Variants in ZNF385C observed in about 807,000 individuals in gnomAD.
ZNF385C encodes the protein CTD-2132N18.2.
ZNF385C carries 28 observed loss-of-function variants against 35.4 expected under a neutral mutation model. That is an observed-to-expected ratio of 0.79 (90% confidence interval 0.59 to 1.08). The LOEUF is 1.08. Among genes scored for constraint, ZNF385C ranks in the 50% least tolerant of loss-of-function variants. ZNF385C has a pLI of 0.00. For synonymous variants in ZNF385C, 248 were observed against 248.2 expected (o/e 1.00, Z 0.01); for missense variants, 605 against 595.6 (o/e 1.02, Z -0.16).
chr17:42,043,917 A>G (rs1260594337), intron 2 of ZNF385C, among the ~76,000 whole-genome samples: 3 of 152,026 alleles, frequency 2.0e-5, no homozygotes, highest in Admixed American at 2.0e-4. Context: ...AGTGGTTCTC[A>G]GGGCCCATGA....
In ZNF385C at chr17:42,027,734, G is replaced by T. The variant is rs781784798; in HGVS notation, c.1165-6C>A. 1.2e-6 allele frequency: 2 copies of T among 1,610,110 alleles called. No individual in the cohort carries two copies. Among genetic ancestry groups the T allele is most frequent in the South Asian group, 2.2e-5 (2 of 90,664 alleles). On this transcript the variant is annotated splice_polypyrimidine_tract_variant and splice_region_variant and intron_variant, in intron 7 of 8. Coordinates refer to ENST00000692273, the MANE Select transcript of ZNF385C (RefSeq NM_001392013.1). ...TGCCTCCTGCTGCTCATGTGCTAATGGACAGACAGACAGACTGGGAACAAG... is the reference window on the plus strand; with the variant it reads ...TGCCTCCTGCTGCTCATGTGCTAATTGACAGACAGACAGACTGGGAACAAG...
At chr17:42,087,013 G>A (rs530779792) in intron 1 of ZNF385C, among the ~76,000 whole-genome samples, 120 of 151,728 alleles carry the variant, frequency 7.9e-4, no homozygotes, top group Non-Finnish European at 1.4e-3. Flanking sequence ...GTAGAGACGA[G>A]GATTTCTCCA....
chr17:42,027,846 T>C, intron 7 of ZNF385C, 118 bp from the exon 8 acceptor site: 1 of 1,269,946 alleles, frequency 7.9e-7, no homozygotes, highest in Non-Finnish European at 1.1e-6. Context: ...GCACACAGAC[T>C]GGGTCCTCAC....
chr17:42,028,522 ATGTCTCC>A, intron 6 of ZNF385C: 1 of 587,744 alleles, frequency 1.7e-6, no homozygotes, highest in South Asian at 2.4e-5. Context: ...AGAGAGGCAG[ATGTCTCC>A]TGTCTCCTGT....
chr17:42,042,823 C>T, intron 2 of ZNF385C: 1 of 1,232,222 alleles, frequency 8.1e-7, no homozygotes, highest in East Asian at 3.2e-5. Flanking sequence ...ATACTTCTGG[C>T]TGTCACCCAC....
chr17:42,063,168 C>A, intron 1 of ZNF385C, 110 bp from the exon 2 acceptor site: 1 of 488,190 alleles, frequency 2.0e-6, no homozygotes, highest in South Asian at 3.3e-5. Flanking sequence ...CTCTATATCC[C>A]TCTGAAATGC....
At chr17:42,078,230 C>T (rs1467709193) in intron 1 of ZNF385C, among the ~76,000 whole-genome samples, 2 of 151,996 alleles carry the variant, frequency 1.3e-5, no homozygotes, top group Non-Finnish European at 2.9e-5. Flanking sequence ...GCCAGGGATC[C>T]CTGGCTGGGC....
At chr17:42,066,573 CTG>C (rs1441185827) in intron 1 of ZNF385C, among the ~76,000 whole-genome samples, 1 of 152,168 alleles carries the variant, frequency 6.6e-6, no homozygotes, top group African/African-American at 2.4e-5. Flanking sequence ...TGAAATGAGA[CTG>C]TCACTGAACA....
intron 2 of ZNF385C, among the ~76,000 whole-genome samples, chr17:42,046,827 G>C (rs2053170225): frequency 6.8e-6 from 1 of 147,082 alleles, no homozygotes; most frequent in Non-Finnish European, 1.5e-5. Flanking sequence ...AAGAACTCTT[G>C]TTTCTGAGAC....
chr17:42,077,743 T>C (rs577630001), intron 1 of ZNF385C, among the ~76,000 whole-genome samples: 2 of 152,274 alleles, frequency 1.3e-5, no homozygotes, highest in South Asian at 4.1e-4. Flanking sequence ...TCTGGACTCC[T>C]GGGCTCTAGG....
intron 4 of ZNF385C, 35 bp downstream of exon 4, chr17:42,034,190 C>G (rs1373793661): frequency 4.0e-6 from 6 of 1,517,094 alleles, no homozygotes; most frequent in Non-Finnish European, 5.4e-6. Context: ...CTGCCCAGCC[C>G]CCTCCCCAGA....
chr17:42,041,034 G>C, intron 2 of ZNF385C: 1 of 1,232,372 alleles, frequency 8.1e-7, no homozygotes, highest in Admixed American at 4.2e-5. Context: ...GGAAGGTGGT[G>C]GCGGGCTGGC....
intron 1 of ZNF385C, among the ~76,000 whole-genome samples, chr17:42,064,905 T>C (rs1555658342): frequency 2.0e-5 from 3 of 152,112 alleles, no homozygotes; most frequent in African/African-American, 7.2e-5. Context: ...TGGAGTGCAG[T>C]GGCACAATCT....
At chr17:42,034,393 G>A (rs949296749) in intron 3 of ZNF385C, 58 bp from the exon 4 acceptor site, 23 of 1,299,462 alleles carry the variant, frequency 1.8e-5, no homozygotes, top group Non-Finnish European at 2.2e-6. Context: ...AGCAGGGGTC[G>A]GGGGCAGCAC....
rs534247905 is a variant in ZNF385C at position 42,066,157 on chromosome 17, G to A, written c.-2-3099C>T. Among the ~76,000 whole-genome samples, 3 of 152,162 alleles carry A rather than the reference G, an allele frequency of 2.0e-5. No homozygotes were observed. In the South Asian group the frequency reaches 6.2e-4, roughly 32 times the overall value. Reference sequence around the variant, plus strand: ...TCACTGCAACCTCTGCCTCCCGGGTGCAAGTGATTCTCCTGCCTCAGCCTC... The same window carrying A: ...TCACTGCAACCTCTGCCTCCCGGGTACAAGTGATTCTCCTGCCTCAGCCTC... On this transcript the variant is annotated intron_variant, in intron 1 of 8. Coordinates refer to ENST00000692273, the MANE Select transcript of ZNF385C (RefSeq NM_001392013.1).
intron 2 of ZNF385C, chr17:42,038,219 C>T: frequency 1.6e-6 from 1 of 620,138 alleles, no homozygotes; most frequent in Non-Finnish European, 2.7e-6. Context: ...CACACACCAC[C>T]ATGGAGACTG....
intron 8 of ZNF385C, 45 bp downstream of exon 8, chr17:42,027,573 T>TCCCC: frequency 3.3e-6 from 1 of 298,862 alleles, no homozygotes; most frequent in Non-Finnish European, 6.3e-6. Context: ...GCCCACCCTC[T>TCCCC]CCCCTCCTGA....
At chr17:42,087,732 C>T (rs2143944876) in intron 1 of ZNF385C, among the ~76,000 whole-genome samples, 1 of 152,270 alleles carries the variant, frequency 6.6e-6, no homozygotes, top group South Asian at 2.1e-4. Flanking sequence ...TTAAGACCAA[C>T]CAGGGGAACA....
rs1347761512 is a variant in ZNF385C, at chr17:42,040,204, G to A, written c.251-2319C>T. 4.1e-6 allele frequency: 5 copies of A among 1,231,478 alleles called. No homozygotes were observed. In the African/African-American group the frequency reaches 6.2e-5, roughly 15 times the overall value. The allele number at this position is 1,231,478 out of a possible 1,614,324, so 76.3% of individuals were successfully genotyped here. On this transcript the variant is annotated intron_variant, in intron 2 of 8. Coordinates refer to ENST00000692273, the MANE Select transcript of ZNF385C (RefSeq NM_001392013.1). ...TGCGAAGGCGGCCACGGCGTCCAGC[G>A]AAGGCCCGGGGTAGGAGTCCTGTAG...
Sources: allele counts gnomAD v4.1 joint callset (sites outside exome capture counted in the v4.1 genomes callset), GRCh38; gene constraint gnomAD v4.1.1; transcripts MANE v1.5; gene names NCBI Gene and HGNC (gene_info 2026-07-23, HGNC 2026-07-21).